The following ENPP1 variants were observed in gnomAD, a reference collection of about 807,000 sequenced individuals.
ENPP1 encodes ectonucleotide pyrophosphatase/phosphodiesterase 1.
A neutral mutation model predicts 122.8 loss-of-function variants in ENPP1; 73 were observed. The observed-to-expected ratio is 0.59, with a 90% CI of 0.49 to 0.72. ENPP1 has a LOEUF of 0.72. Among genes scored for constraint, ENPP1 ranks in the 30% least tolerant of loss-of-function variants. ENPP1 has a pLI of 0.00. For synonymous variants in ENPP1, 367 were observed against 391.6 expected (o/e 0.94, Z 0.74); for missense variants, 978 against 1,128.1 (o/e 0.87, Z 1.91).
chr6:131,822,281 CAG>C (rs1206528856), intron 1 of ENPP1, among the ~76,000 whole-genome samples: 2 of 152,154 alleles, frequency 1.3e-5, no homozygotes, highest in Non-Finnish European at 2.9e-5. Context: ...TCTTCAGAGA[CAG>C]GGTTCATGTA....
At chr6:131,856,904 A>G (rs911226999) in intron 6 of ENPP1, among the ~76,000 whole-genome samples, 10 of 152,202 alleles carry the variant, frequency 6.6e-5, no homozygotes, top group African/African-American at 2.4e-4. Flanking sequence ...CTTGTAGTAT[A>G]GTTCGAAGTC....
chr6:131,822,236 G>C (rs1781492426), intron 1 of ENPP1, among the ~76,000 whole-genome samples: 1 of 152,170 alleles, frequency 6.6e-6, no homozygotes, highest in South Asian at 2.1e-4. Flanking sequence ...CAAAGAAAAA[G>C]AATATTGAGT....
intron 1 of ENPP1, among the ~76,000 whole-genome samples, chr6:131,819,335 A>C (rs1265499394): frequency 1.3e-5 from 2 of 152,256 alleles, no homozygotes; most frequent in Admixed American, 1.3e-4. Context: ...AAATTAATTC[A>C]AGAGCACAGA....
At position 131,813,745 on chromosome 6, in the gene ENPP1, A is replaced by T. The variant is rs76853354; in HGVS notation, c.240+5470A>T. On this transcript the variant is annotated intron_variant, in intron 1 of 24. Transcript: ENST00000647893. ...TCAACTCCAAAAGGGAGGGAGTAGA[A>T]TTAAGTGCGTTTGACCTCTCTTCCT... 5.9e-5 allele frequency among the ~76,000 whole-genome samples: 9 copies of T among 152,282 alleles called. No individual in the cohort carries two copies. In the East Asian group the frequency reaches 1.7e-3, roughly 29 times the overall value.
intron 1 of ENPP1, among the ~76,000 whole-genome samples, chr6:131,839,165 CCTT>C (rs1347827481): frequency 1.3e-5 from 2 of 152,080 alleles, no homozygotes; most frequent in Admixed American, 6.6e-5. Flanking sequence ...TCGGTATGAG[CCTT>C]CTTCTATGAT....
chr6:131,850,193 C>G (rs1272836417), intron 3 of ENPP1, 87 bp downstream of exon 3: 2 of 948,694 alleles, frequency 2.1e-6, no homozygotes, highest in African/African-American at 3.2e-5. Context: ...TGTGATTTAC[C>G]TAATTCATTT....
chr6:131,886,739 T>C lies in ENPP1; in HGVS notation c.2607+15T>C. The C allele has an allele frequency of 3.1e-6, 5 of 1,607,438 alleles. No homozygotes were observed. Among genetic ancestry groups the C allele is most frequent in the Non-Finnish European group, 4.3e-6 (5 of 1,176,444 alleles). On this transcript the variant is annotated intron_variant, in intron 24 of 24. Coordinates refer to ENST00000647893, the MANE Select transcript of ENPP1 (RefSeq NM_006208.3). ...AGAGCTGTGTGGTAAGTAGCTTTTG[T>C]ATATTTACTTTGCATGTTGAAAATC... is the stretch of plus-strand genomic sequence containing the variant.
intron 1 of ENPP1, among the ~76,000 whole-genome samples, chr6:131,825,555 A>G (rs907734459): frequency 9.9e-5 from 15 of 152,214 alleles, no homozygotes; most frequent in African/African-American, 3.4e-4. Context: ...CATTTTTAGC[A>G]TCTTAAAAAC....
chr6:131,808,116 CGGCCGCGATCGG>C lies in ENPP1; in HGVS notation c.88_99del (p.Asp30_Arg33del). On this transcript the variant is annotated inframe_deletion, in exon 1 of 25. Transcript: ENST00000647893. ...CTCCCCGGGAGGGCCCGGCGGGGAACGGCCGCGATCGGGGCCGCAGCCACGCTGCCGAGGCGC... is the reference window on the plus strand; with the variant it reads ...CTCCCCGGGAGGGCCCGGCGGGGAACGGCCGCAGCCACGCTGCCGAGGCGC... The C allele has an allele frequency of 7.9e-7, 1 of 1,259,644 alleles. No individual in the cohort carries two copies. Among genetic ancestry groups the C allele is most frequent in the Non-Finnish European group, 1.0e-6 (1 of 998,054 alleles). 78.0% of individuals were successfully genotyped at this position (1,259,644 alleles called of 1,614,324 possible). A position where few individuals can be genotyped will look rare whatever the true frequency, so the allele number is the denominator to read the frequency against.
At chr6:131,815,461 A>T (rs574680722) in intron 1 of ENPP1, among the ~76,000 whole-genome samples, 5 of 152,060 alleles carry the variant, frequency 3.3e-5, no homozygotes, top group African/African-American at 1.2e-4. Context: ...TTTCCACTCC[A>T]TGTTGTCTCT....
chr6:131,882,025 T>A (rs1182883516), intron 20 of ENPP1, among the ~76,000 whole-genome samples: 5 of 142,978 alleles, frequency 3.5e-5, no homozygotes, highest in East Asian at 2.0e-4. Flanking sequence ...CTTAAAAAAA[T>A]AATAATAATA....
Position 131,879,947 on chromosome 6 carries a change from C to A in ENPP1, c.2013C>A (p.Ile671=). The change falls in exon 20 of 25, where the codon ATC becomes ATA. Residue 671 remains isoleucine (I), a synonymous_variant. Transcript: ENST00000647893. ...GAGTTCTCCAGAAGGAAAACACCAT[C>A]TGTCTTCTTTCCCAGCACCAGTTTA... ...RPRVLQKENT[I]CLLSQHQFMS... is the part of the protein sequence containing the mutation. 1 of 1,613,246 alleles carries A rather than the reference C, an allele frequency of 6.2e-7. No individual in the cohort carries two copies. The highest frequency in any genetic ancestry group is 1.7e-4 in the Middle Eastern group (1 of 6,060).
intron 1 of ENPP1, among the ~76,000 whole-genome samples, chr6:131,825,237 A>T (rs1781532876): frequency 6.6e-6 from 1 of 152,178 alleles, no homozygotes; most frequent in South Asian, 2.1e-4. Context: ...GAAAACTATA[A>T]TAGCTTTAGT....
intron 1 of ENPP1, among the ~76,000 whole-genome samples, chr6:131,841,710 A>T (rs1175317896): frequency 6.6e-6 from 1 of 152,192 alleles, no homozygotes; most frequent in African/African-American, 2.4e-5. Flanking sequence ...AAATAAATCC[A>T]TGCCTCTCGG....
At chr6:131,835,190 C>T (rs1259662176) in intron 1 of ENPP1, among the ~76,000 whole-genome samples, 2 of 152,128 alleles carry the variant, frequency 1.3e-5, no homozygotes, top group Non-Finnish European at 2.9e-5. Context: ...GTGTAATTTA[C>T]TTACAGTTTA....
intron 1 of ENPP1, among the ~76,000 whole-genome samples, chr6:131,813,384 G>A (rs571820789): frequency 6.6e-6 from 1 of 151,962 alleles, no homozygotes; most frequent in Admixed American, 6.5e-5. Flanking sequence ...AAAAAAATTA[G>A]CAGGGCATGG....
chr6:131,813,838 G>A (rs1490733600), intron 1 of ENPP1, among the ~76,000 whole-genome samples: 2 of 152,174 alleles, frequency 1.3e-5, no homozygotes, highest in African/African-American at 2.4e-5. Flanking sequence ...GGTCCACTCA[G>A]TTGGTCGAGG....
intron 11 of ENPP1, among the ~76,000 whole-genome samples, chr6:131,866,095 A>G (rs1052148824): frequency 3.9e-5 from 6 of 152,106 alleles, no homozygotes; most frequent in Admixed American, 1.3e-4. Context: ...GACCTAAGAT[A>G]TGAAAGGAAG....
chr6:131,820,053 C>G (rs1781464721), intron 1 of ENPP1: 1 of 536,612 alleles, frequency 1.9e-6, no homozygotes, highest in African/African-American at 2.0e-5. Flanking sequence ...GAGACTGACT[C>G]CAGCTGTCCA....
Sources: allele counts gnomAD v4.1 joint callset (sites outside exome capture counted in the v4.1 genomes callset), GRCh38; gene constraint gnomAD v4.1.1; transcripts MANE v1.5; gene names NCBI Gene and HGNC (gene_info 2026-07-23, HGNC 2026-07-21).